PRMT3: variants seen among roughly 807,000 people sequenced by gnomAD.
PRMT3 encodes protein arginine N-methyltransferase 3.
PRMT3 carries 62 observed loss-of-function variants against 71.9 expected under a neutral mutation model. The observed-to-expected ratio is 0.86, with a 90% confidence interval of 0.70 to 1.07. PRMT3 has a LOEUF of 1.07. Among genes scored for constraint, PRMT3 ranks in the 50% least tolerant of loss-of-function variants. PRMT3 has a pLI of 0.00. For synonymous variants in PRMT3, 213 were observed against 220.4 expected (o/e 0.97, Z 0.30); for missense variants, 663 against 643.0 (o/e 1.03, Z -0.34).
At chr11:20,502,849 GAAGT>G (rs1340669160) in intron 15 of PRMT3, among the ~76,000 whole-genome samples, 4 of 146,412 alleles carry the variant, frequency 2.7e-5, no homozygotes, top group African/African-American at 1.1e-4. Flanking sequence ...AATGAGAAAA[GAAGT>G]AAGGTAAATG....
chr11:20,395,781 T>G, intron 5 of PRMT3, 22 bp from the exon 6 acceptor site: 3 of 1,602,256 alleles, frequency 1.9e-6, no homozygotes, highest in Non-Finnish European at 2.6e-6. Flanking sequence ...GGCCTGATAA[T>G]AATGTCCATT....
intron 13 of PRMT3, among the ~76,000 whole-genome samples, chr11:20,472,868 G>A (rs1245754963): frequency 6.6e-6 from 1 of 150,924 alleles, no homozygotes; most frequent in African/African-American, 2.4e-5. Context: ...TTGGAGGGTG[G>A]GGGGTGGAGG....
intron 10 of PRMT3, among the ~76,000 whole-genome samples, chr11:20,447,927 G>C (rs993270416): frequency 6.6e-6 from 1 of 152,036 alleles, no homozygotes; most frequent in South Asian, 2.1e-4. Context: ...CACTCAGGAA[G>C]AAGAAAACAC....
At chr11:20,399,729 G>GT (rs930493478) in intron 7 of PRMT3, among the ~76,000 whole-genome samples, 3 of 152,266 alleles carry the variant, frequency 2.0e-5, no homozygotes, top group Non-Finnish European at 2.9e-5. Flanking sequence ...GGGAAATTCA[G>GT]TTTGAGTACT....
At position 20,475,412 on chromosome 11, in the gene PRMT3, T is replaced by C. The variant is rs577067408; in HGVS notation, c.1347+10866T>C. 2.4e-3 allele frequency among the ~76,000 whole-genome samples: 359 copies of C among 152,322 alleles called. 2 individuals are homozygous for C. Among genetic ancestry groups the C allele is most frequent in the African/African-American group, 8.3e-3 (347 of 41,566 alleles). Reference sequence around the variant, plus strand: ...GGATATTTCAGATGAAGTTGCTGAATTCATTTGCCGCTTTCATTCTTCTCT... The same window carrying C: ...GGATATTTCAGATGAAGTTGCTGAACTCATTTGCCGCTTTCATTCTTCTCT... On this transcript the variant is annotated intron_variant, in intron 13 of 15. Coordinates refer to ENST00000331079, the MANE Select transcript of PRMT3 (RefSeq NM_005788.4).
chr11:20,387,716 A>T lies in PRMT3; in HGVS notation c.-31A>T. ...GTTGCCCAACCCGGTCCCCGCCCCC[A>T]GACACGCCGGGCTCTCGGGGCACCA... On this transcript the variant is annotated 5_prime_UTR_variant, in exon 1 of 16. Coordinates refer to ENST00000331079, the MANE Select transcript of PRMT3 (RefSeq NM_005788.4). The surrounding 1 kb of genome is among the most constrained non-coding windows in gnomAD (Gnocchi z 4.3). The T allele has an allele frequency of 6.6e-7, 1 of 1,517,694 alleles. No homozygotes were observed. Among genetic ancestry groups the T allele is most frequent in the South Asian group, 1.2e-5 (1 of 81,978 alleles). The allele number at this position is 1,517,694 out of a possible 1,614,324, so 94.0% of individuals were successfully genotyped here.
At chr11:20,418,124 C>T (rs2133339311) in intron 9 of PRMT3, among the ~76,000 whole-genome samples, 1 of 149,592 alleles carries the variant, frequency 6.7e-6, no homozygotes, top group East Asian at 1.9e-4. Flanking sequence ...AATTTCCCCT[C>T]AGAAAAAGTT....
intron 10 of PRMT3, among the ~76,000 whole-genome samples, chr11:20,449,732 T>G (rs1307575948): frequency 6.6e-6 from 1 of 152,106 alleles, no homozygotes. Context: ...ACATTTTAAT[T>G]TCTACCACAA....
chr11:20,404,211 GTTTTTTTTT>G (rs71063629), intron 8 of PRMT3, among the ~76,000 whole-genome samples: 428 of 34,326 alleles, frequency 0.012, 106 homozygotes, highest in African/African-American at 0.02. Context: ...ACTTTTCATA[GTTTTTTTTT>G]TTTTTTTTTT....
intron 13 of PRMT3, among the ~76,000 whole-genome samples, chr11:20,474,021 G>C (rs942573846): frequency 2.0e-5 from 3 of 152,086 alleles, no homozygotes; most frequent in African/African-American, 7.2e-5. Flanking sequence ...ACCAGTGAAG[G>C]CTGCAAAACA....
intron 15 of PRMT3, among the ~76,000 whole-genome samples, chr11:20,506,055 T>C (rs1851583773): frequency 1.3e-5 from 2 of 152,230 alleles, no homozygotes; most frequent in Admixed American, 1.3e-4. Context: ...AGCTGGCAGA[T>C]GACCTTGGGC....
At chr11:20,463,668 A>C (rs1435762030) in intron 12 of PRMT3, among the ~76,000 whole-genome samples, 1 of 152,038 alleles carries the variant, frequency 6.6e-6, no homozygotes, top group Non-Finnish European at 1.5e-5. Context: ...TGTTTTCTCA[A>C]ATTGTTTTCA....
rs760647202 is a variant in PRMT3 at position 20,387,979 on chromosome 11, G to A, written c.29-40G>A. On this transcript the variant is annotated intron_variant, in intron 1 of 15. Coordinates refer to ENST00000331079, the MANE Select transcript of PRMT3 (RefSeq NM_005788.4). The surrounding 1 kb of genome is among the most constrained non-coding windows in gnomAD (Gnocchi z 4.3). ...GCTCCTCGAGCCCCCGGGCCGCACC[G>A]GTGTCCGAGGCCGATCTGATTGTTG... The A allele has an allele frequency of 1.2e-6, 2 of 1,611,964 alleles. No homozygotes were observed. The highest frequency in any genetic ancestry group is 8.5e-7 in the Non-Finnish European group (1 of 1,178,866).
chr11:20,394,011 C>T (rs187170469), intron 5 of PRMT3, among the ~76,000 whole-genome samples: 1 of 152,332 alleles, frequency 6.6e-6, no homozygotes. Context: ...AAGTTAGTGA[C>T]ACCCTGCACT....
At chr11:20,402,803 G>T in intron 7 of PRMT3, 116 bp from the exon 8 acceptor site, 1 of 623,928 alleles carries the variant, frequency 1.6e-6, no homozygotes, top group Non-Finnish European at 2.7e-6. Context: ...GGTATCCCAG[G>T]TATAAAAACT....
At chr11:20,399,168 A>G (rs551533571) in intron 7 of PRMT3, among the ~76,000 whole-genome samples, 4 of 152,330 alleles carry the variant, frequency 2.6e-5, no homozygotes. Flanking sequence ...AAACCAACAA[A>G]CAAAATATCC....
chr11:20,476,719 T>TCTTTTAGTTGTACA (rs1353437517), intron 13 of PRMT3, among the ~76,000 whole-genome samples: 3 of 149,870 alleles, frequency 2.0e-5, no homozygotes, highest in Non-Finnish European at 4.4e-5. Flanking sequence ...ATTTCAGATA[T>TCTTTTAGTTGTACA]CTTTTAGTTG....
intron 11 of PRMT3, among the ~76,000 whole-genome samples, chr11:20,458,492 G>T (rs1482170602): frequency 6.6e-6 from 1 of 152,160 alleles, no homozygotes; most frequent in Non-Finnish European, 1.5e-5. Flanking sequence ...GCATGCTTTT[G>T]TCCAATCAGC....
chr11:20,463,968 C>A (rs1850447378), intron 12 of PRMT3, among the ~76,000 whole-genome samples: 1 of 152,170 alleles, frequency 6.6e-6, no homozygotes, highest in African/African-American at 2.4e-5. Flanking sequence ...AACTTATCTT[C>A]AATTATAGAC....
Sources: gnomAD v4.1 joint callset for allele counts (sites outside exome capture counted in the v4.1 genomes callset) on GRCh38, gnomAD v4.1.1 for gene constraint, Gnocchi (gnomAD v3.1) non-coding constraint, MANE v1.5 for transcripts, NCBI Gene and HGNC (gene_info 2026-07-23, HGNC 2026-07-21) for gene names.